ZC3H12B: variants seen among roughly 807,000 people sequenced by gnomAD.
The protein encoded by ZC3H12B is probable ribonuclease ZC3H12B.
In ZC3H12B, 7 loss-of-function variants were observed where a neutral mutation model predicts 43.9. The observed-to-expected ratio is 0.16, with a 90% CI of 0.09 to 0.30. ZC3H12B has a LOEUF of 0.30. ZC3H12B is among the 10% of genes least tolerant of loss of function. ZC3H12B has a pLI of 1.00. For missense variants in ZC3H12B, 475 were observed against 670.2 expected (o/e 0.71, Z 3.22); for synonymous variants, 222 against 241.7 (o/e 0.92, Z 0.76).
At chrX:65,235,827 C>T in the ZC3H12B span, among the ~76,000 whole-genome samples, 1 of 111,786 alleles carries the variant, frequency 8.9e-6, no homozygotes, top group Non-Finnish European at 1.9e-5. Context: ...CAAGTGGTAC[C>T]GTGTTACCTC....
the ZC3H12B span, among the ~76,000 whole-genome samples, chrX:65,189,477 A>G: frequency 3.7e-5 from 4 of 106,987 alleles, no homozygotes; most frequent in African/African-American, 1.4e-4. Flanking sequence ...TGACTTTTTA[A>G]TGATTGCCAT....
the ZC3H12B span, among the ~76,000 whole-genome samples, chrX:65,355,812 A>G: frequency 9.0e-6 from 1 of 111,073 alleles, no homozygotes; most frequent in Admixed American, 9.6e-5. Flanking sequence ...AAAAGTAGCC[A>G]GATGTAGTGG....
the ZC3H12B span, among the ~76,000 whole-genome samples, chrX:65,151,037 G>C: frequency 8.9e-6 from 1 of 112,000 alleles, no homozygotes; most frequent in African/African-American, 3.2e-5. Context: ...ATTTGTTATT[G>C]AATGTTTTTT....
chrX:65,156,371 T>G, the ZC3H12B span, among the ~76,000 whole-genome samples: 5 of 110,832 alleles, frequency 4.5e-5, no homozygotes, highest in African/African-American at 1.6e-4. Flanking sequence ...CTGCTAAATT[T>G]TTTAAACTTT....
intron 2 of ZC3H12B, among the ~76,000 whole-genome samples, chrX:65,390,471 A>AGAGGCAAT (rs1410371220): frequency 2.7e-5 from 3 of 111,766 alleles, no homozygotes; most frequent in African/African-American, 9.8e-5. Flanking sequence ...ACTTATAGGA[A>AGAGGCAAT]GAGGCAATGA....
chrX:65,118,562 C>T, the ZC3H12B span, among the ~76,000 whole-genome samples: 1 of 111,274 alleles, frequency 9.0e-6, no homozygotes, highest in Non-Finnish European at 1.9e-5. Flanking sequence ...ATTTCTTTCT[C>T]CTGCCTGATT....
intron 1 of ZC3H12B, among the ~76,000 whole-genome samples, chrX:65,494,652 G>A (rs1045422725): frequency 9.2e-6 from 1 of 109,195 alleles, no homozygotes; most frequent in Non-Finnish European, 1.9e-5. Flanking sequence ...ATGTTGGCGT[G>A]CGTTTGTAAT....
the ZC3H12B span, among the ~76,000 whole-genome samples, chrX:65,170,576 G>T: frequency 2.7e-5 from 3 of 111,468 alleles, no homozygotes; most frequent in Non-Finnish European, 3.8e-5. Context: ...TTTGAATGTT[G>T]GCCTGCCTTT....
chrX:65,398,019 TC>T lies in ZC3H12B; in HGVS notation n.296-571del, dbSNP rs1236263201. Among the ~76,000 whole-genome samples the T allele has an allele frequency of 6.3e-5, 7 of 111,652 alleles. No homozygotes were observed. The South Asian group carries it at 1.1e-3, about 18-fold the overall frequency. On this transcript the variant is annotated intron_variant and non_coding_transcript_variant, in intron 2 of 5. Coordinates refer to the ZC3H12B transcript ENST00000617377. ...TCTGAAAAAGAAATCATGAAGGTAA[TC>T]CCATTTACAATAGCTACAAATAAAA... is the stretch of plus-strand genomic sequence containing the variant.
the ZC3H12B span, among the ~76,000 whole-genome samples, chrX:65,168,313 G>T: frequency 9.0e-6 from 1 of 111,224 alleles, no homozygotes; most frequent in Non-Finnish European, 1.9e-5. Context: ...TTTATCTTTG[G>T]TTCGGTTTAT....
At chrX:65,069,365 G>T in the ZC3H12B span, among the ~76,000 whole-genome samples, 1 of 106,946 alleles carries the variant, frequency 9.4e-6, no homozygotes, top group Non-Finnish European at 1.9e-5. Context: ...AAAATAACCT[G>T]TGTCCAAGCT....
the ZC3H12B span, among the ~76,000 whole-genome samples, chrX:65,148,827 T>C: frequency 8.9e-6 from 1 of 112,082 alleles, no homozygotes; most frequent in Non-Finnish European, 1.9e-5. Flanking sequence ...CTTGTATGTA[T>C]AGTTACTCAA....
At chrX:65,073,735 G>A in the ZC3H12B span, among the ~76,000 whole-genome samples, 1 of 111,849 alleles carries the variant, frequency 8.9e-6, no homozygotes, top group South Asian at 3.7e-4. Context: ...GGTGGGAGAG[G>A]GGTCTCATCC....
At chrX:65,254,983 C>G in the ZC3H12B span, among the ~76,000 whole-genome samples, 8 of 111,109 alleles carry the variant, frequency 7.2e-5, no homozygotes, top group Admixed American at 5.7e-4. Context: ...GAAAAGTTCT[C>G]TGACATAACT....
the ZC3H12B span, among the ~76,000 whole-genome samples, chrX:65,136,693 G>A: frequency 7.2e-5 from 8 of 111,593 alleles, no homozygotes; most frequent in Non-Finnish European, 1.3e-4. Context: ...GGATATAACA[G>A]ACAAAATGAG....
At chrX:65,304,412 C>T in the ZC3H12B span, among the ~76,000 whole-genome samples, 1 of 111,207 alleles carries the variant, frequency 9.0e-6, no homozygotes, top group African/African-American at 3.3e-5. Context: ...GTCAGGAGAT[C>T]GAGACCATTC....
At chrX:65,299,955 C>G in the ZC3H12B span, among the ~76,000 whole-genome samples, 8 of 111,961 alleles carry the variant, frequency 7.1e-5, no homozygotes, top group Non-Finnish European at 1.3e-4. Context: ...TTTAGAGAGT[C>G]AAGTGAAATA....
At chrX:65,392,376 C>T (rs1054452033) in intron 2 of ZC3H12B, among the ~76,000 whole-genome samples, 12 of 112,017 alleles carry the variant, frequency 1.1e-4, no homozygotes, top group Admixed American at 8.4e-4. Flanking sequence ...TCTGCCCGGC[C>T]GCAACCCCAT....
chrX:65,499,546 G>A lies in ZC3H12B; in HGVS notation c.983+313G>A, dbSNP rs190458190. Among the ~76,000 whole-genome samples the A allele has an allele frequency of 3.8e-3, 420 of 111,773 alleles. 1 individual carries two copies. The highest frequency in any genetic ancestry group is 0.032 in the Middle Eastern group (7 of 216). On this transcript the variant is annotated intron_variant, in intron 3 of 4. Coordinates refer to ENST00000338957, the Ensembl canonical transcript of ZC3H12B. The stretch of plus-strand genomic sequence containing the variant: ...TTTCAGATCAAGTTTACAGATGGAG[G>A]AAAGGGGGCTGCTAGGCATGAGGTG...
Sources: gnomAD v4.1 joint callset for allele counts (sites outside exome capture counted in the v4.1 genomes callset) on GRCh38, gnomAD v4.1.1 for gene constraint, MANE v1.5 for transcripts, NCBI Gene and HGNC (gene_info 2026-07-23, HGNC 2026-07-21) for gene names.